The following SPAG6 variants were observed in gnomAD, a reference collection of about 807,000 sequenced individuals.
The protein encoded by SPAG6 is sperm associated antigen 6, also known as sperm-associated antigen 6.
Under a neutral mutation model 58.5 loss-of-function variants are expected in SPAG6, and 49 were observed. The observed-to-expected ratio is 0.84, with a 90% CI of 0.67 to 1.06. SPAG6 has a LOEUF of 1.06. SPAG6 is among the 50% of genes least tolerant of loss of function. SPAG6 has a pLI of 0.00. For missense variants in SPAG6, 560 were observed against 611.3 expected (o/e 0.92, Z 0.89); for synonymous variants, 233 against 225.6 (o/e 1.03, Z -0.29).
At chr10:22,405,301 G>T (rs1272047028) in intron 9 of SPAG6, among the ~76,000 whole-genome samples, 1 of 151,990 alleles carries the variant, frequency 6.6e-6, no homozygotes, top group African/African-American at 2.4e-5. Context: ...ATTATTTTGA[G>T]ATATGTCCCA....
chr10:22,345,651 G>A lies in SPAG6; in HGVS notation c.25+15G>A. On this transcript the variant is annotated intron_variant, in intron 1 of 10. Coordinates refer to ENST00000376624, the MANE Select transcript of SPAG6 (RefSeq NM_012443.4). This position sits in a 1 kb window ranked among gnomAD's most constrained non-coding sequence, Gnocchi z 6.3. ...GGTGCTGCAAGGTAGGGCCGAGGCG[G>A]GCAGGTGCCCTAACTAGCTGGCGCC... is the stretch of plus-strand genomic sequence containing the variant. The A allele has an allele frequency of 6.4e-7, 1 of 1,554,710 alleles. No individual in the cohort carries two copies. The highest frequency in any genetic ancestry group is 8.7e-7 in the Non-Finnish European group (1 of 1,150,784).
At chr10:22,412,155 A>G (rs1785126891) in intron 10 of SPAG6, among the ~76,000 whole-genome samples, 3 of 152,062 alleles carry the variant, frequency 2.0e-5, no homozygotes, top group African/African-American at 4.8e-5. Flanking sequence ...GCCCGGCCAA[A>G]CAACTGAATC....
At chr10:22,410,893 C>A in intron 9 of SPAG6, 138 bp from the exon 10 acceptor site, 1 of 746,686 alleles carries the variant, frequency 1.3e-6, no homozygotes, top group South Asian at 2.6e-5. Context: ...AAATTAGCAG[C>A]AGATTTGGCT....
At chr10:22,408,803 G>C (rs1167516028) in intron 9 of SPAG6, among the ~76,000 whole-genome samples, 1 of 152,232 alleles carries the variant, frequency 6.6e-6, no homozygotes, top group African/African-American at 2.4e-5. Context: ...GTGGGGGTAG[G>C]ACCCTCCGAG....
chr10:22,411,840 C>CTTTTTTTTTTTTTTTTTTTTTTTT (rs546172800), intron 10 of SPAG6, among the ~76,000 whole-genome samples: 1 of 66,750 alleles, frequency 1.5e-5, no homozygotes, highest in African/African-American at 5.8e-5. Context: ...ACAACTGAAT[C>CTTTTTTTTTTTTTTTTTTTTTTTT]TTTTTTTTTT....
intron 2 of SPAG6, chr10:22,359,393 T>C (rs543532215): frequency 1.5e-3 from 497 of 339,178 alleles, no homozygotes; most frequent in Middle Eastern, 6.2e-3. Context: ...TTTTATAAAT[T>C]TATGATTTTT....
intron 4 of SPAG6, among the ~76,000 whole-genome samples, chr10:22,377,095 T>A (rs1254553149): frequency 6.6e-6 from 1 of 151,954 alleles, no homozygotes; most frequent in African/African-American, 2.4e-5. Flanking sequence ...TGCTTCTGTC[T>A]TGGGCACTCT....
At chr10:22,394,308 G>T (rs1834245170) in intron 8 of SPAG6, among the ~76,000 whole-genome samples, 1 of 151,960 alleles carries the variant, frequency 6.6e-6, no homozygotes, top group Non-Finnish European at 1.5e-5. Flanking sequence ...ACCTTTATTT[G>T]TTTGGATTTA....
At chr10:22,412,112 G>A (rs1300132913) in intron 10 of SPAG6, among the ~76,000 whole-genome samples, 3 of 152,126 alleles carry the variant, frequency 2.0e-5, no homozygotes, top group Non-Finnish European at 4.4e-5. Context: ...GCCTCCCAGA[G>A]TGCTGGGATT....
intron 9 of SPAG6, among the ~76,000 whole-genome samples, chr10:22,408,793 G>A (rs1834633459): frequency 1.3e-5 from 2 of 151,560 alleles, no homozygotes; most frequent in South Asian, 2.1e-4. Flanking sequence ...GCGAGACTCT[G>A]TGGGGGTAGG....
intron 4 of SPAG6, among the ~76,000 whole-genome samples, chr10:22,372,762 TAAA>T (rs55634830): frequency 6.3e-5 from 8 of 126,788 alleles, no homozygotes; most frequent in Admixed American, 1.6e-4. Context: ...GAGCTTTAGC[TAAA>T]AAAAAAAAAA....
intron 8 of SPAG6, among the ~76,000 whole-genome samples, chr10:22,399,933 A>G (rs903704910): frequency 6.6e-6 from 1 of 152,168 alleles, no homozygotes; most frequent in African/African-American, 2.4e-5. Flanking sequence ...GCTGGGCTGC[A>G]TATTTTACAT....
rs11366499 is a variant in SPAG6, at chr10:22,367,853, T to TA, written c.289-633dup. 9.3e-3 allele frequency among the ~76,000 whole-genome samples: 1,411 copies of TA among 151,324 alleles called. 13 individuals are homozygous for TA. Among genetic ancestry groups the TA allele is most frequent in the East Asian group, 0.022 (112 of 5,174 alleles). On this transcript the variant is annotated intron_variant, in intron 3 of 10. Transcript: ENST00000376624. ...AATGGTAAGTAATTTGCTTTTATCT[T>TA]AAAAAAAAAGCATTTCTAGAGAAAA... is the stretch of plus-strand genomic sequence containing the variant.
chr10:22,355,377 C>T (rs1220956423), intron 2 of SPAG6, among the ~76,000 whole-genome samples: 1 of 152,184 alleles, frequency 6.6e-6, no homozygotes, highest in Non-Finnish European at 1.5e-5. Flanking sequence ...GTCCCCATCC[C>T]ACCTTCCTCT....
At chr10:22,397,354 C>T (rs1834319194) in intron 8 of SPAG6, among the ~76,000 whole-genome samples, 1 of 152,090 alleles carries the variant, frequency 6.6e-6, no homozygotes, top group East Asian at 1.9e-4. Context: ...GGGCTGCTGC[C>T]CAGGCTGGAT....
chr10:22,389,057 T>C, intron 6 of SPAG6, 103 bp from the exon 7 acceptor site: 1 of 850,618 alleles, frequency 1.2e-6, no homozygotes, highest in Non-Finnish European at 1.8e-6. Context: ...TAATTCAATT[T>C]CACCAGTTGT....
intron 8 of SPAG6, among the ~76,000 whole-genome samples, chr10:22,398,513 G>A (rs553672608): frequency 1.3e-5 from 2 of 152,304 alleles, no homozygotes; most frequent in East Asian, 1.9e-4. Context: ...ATCACTTGAG[G>A]TTAGGCGTTT....
intron 10 of SPAG6, 146 bp downstream of exon 10, chr10:22,411,322 T>C (rs1834729356): frequency 3.5e-6 from 2 of 574,490 alleles, no homozygotes; most frequent in Non-Finnish European, 5.8e-6. Context: ...CTTGATCTCT[T>C]CCCCCTGCCA....
intron 9 of SPAG6, among the ~76,000 whole-genome samples, chr10:22,402,349 G>A (rs1367411229): frequency 6.6e-6 from 1 of 152,094 alleles, no homozygotes; most frequent in African/African-American, 2.4e-5. Context: ...ATATAAATGA[G>A]ATATTACTCT....
Sources: gnomAD v4.1 joint callset for allele counts (sites outside exome capture counted in the v4.1 genomes callset) on GRCh38, gnomAD v4.1.1 for gene constraint, Gnocchi (gnomAD v3.1) non-coding constraint, MANE v1.5 for transcripts, NCBI Gene and HGNC (gene_info 2026-07-23, HGNC 2026-07-21) for gene names.